The following ADGRL4 variants were observed in gnomAD, a reference collection of about 807,000 sequenced individuals.
ADGRL4 encodes the protein adhesion G protein-coupled receptor L4.
A neutral mutation model predicts 74.8 loss-of-function variants in ADGRL4; 90 were observed. The observed-to-expected ratio is 1.20, with a 90% CI of 1.02 to 1.43. The LOEUF (loss-of-function observed/expected upper bound fraction) is 1.43. ADGRL4 is among the 40% of genes most tolerant of loss of function. The probability of loss-of-function intolerance (pLI) is 0.00; values close to 1 mark genes in which losing one functional copy is unlikely to be tolerated. For synonymous variants in ADGRL4, 311 were observed against 279.2 expected (o/e 1.11, Z -1.14); for missense variants, 881 against 814.3 (o/e 1.08, Z -1.00).
At position 78,904,851 on chromosome 1, in the gene ADGRL4, C is replaced by G. The variant is rs575645591; in HGVS notation, c.1750-11662G>C. Among the ~76,000 whole-genome samples the G allele has an allele frequency of 3.3e-5, 5 of 152,052 alleles. No individual in the cohort carries two copies. In the East Asian group the frequency reaches 9.7e-4, roughly 29 times the overall value. Reference sequence around the variant, plus strand: ...AATTACATAATTAATGTAAAGTACTCCAAAGAGTACCTAATATTTAAGTTC... The same window carrying G: ...AATTACATAATTAATGTAAAGTACTGCAAAGAGTACCTAATATTTAAGTTC... On this transcript the variant is annotated intron_variant, in intron 12 of 14. Transcript: ENST00000370742.
intron 12 of ADGRL4, among the ~76,000 whole-genome samples, chr1:78,903,221 A>G (rs1293410396): frequency 6.6e-6 from 1 of 152,158 alleles, no homozygotes; most frequent in Non-Finnish European, 1.5e-5. Flanking sequence ...CTACTGCATC[A>G]TATTGTATGC....
chr1:78,975,069 ATT>A (rs1457689173), intron 2 of ADGRL4, among the ~76,000 whole-genome samples: 1 of 152,130 alleles, frequency 6.6e-6, no homozygotes, highest in African/African-American at 2.4e-5. Flanking sequence ...GGCAGGTAAA[ATT>A]TTGTCTTTTG....
Position 78,906,208 on chromosome 1 carries a change from T to A in ADGRL4, c.1749+11426A>T, listed in dbSNP as rs569230278. On this transcript the variant is annotated intron_variant, in intron 12 of 14. Coordinates refer to ENST00000370742, the MANE Select transcript of ADGRL4 (RefSeq NM_022159.4). ...GGATACTTGTCTATTAGGAAATTAATCCTCATGCTATAGCTTATAGCTAAA... is the reference window on the plus strand; with the variant it reads ...GGATACTTGTCTATTAGGAAATTAAACCTCATGCTATAGCTTATAGCTAAA... Among the ~76,000 whole-genome samples, 5 of 152,170 alleles carry A rather than the reference T, an allele frequency of 3.3e-5. No individual in the cohort carries two copies. In the East Asian group the frequency reaches 9.6e-4, roughly 29 times the overall value.
chr1:78,946,965 C>A (rs185660120), intron 2 of ADGRL4, among the ~76,000 whole-genome samples: 1 of 152,016 alleles, frequency 6.6e-6, no homozygotes, highest in Admixed American at 6.6e-5. Context: ...GAATAGTATG[C>A]AATACAAAAA....
At chr1:78,972,341 A>G (rs1650187718) in intron 2 of ADGRL4, among the ~76,000 whole-genome samples, 1 of 152,182 alleles carries the variant, frequency 6.6e-6, no homozygotes, top group Non-Finnish European at 1.5e-5. Context: ...AACATTAGAA[A>G]CTTAGAATTG....
At chr1:78,951,433 C>T (rs1316177079) in intron 2 of ADGRL4, among the ~76,000 whole-genome samples, 1 of 152,112 alleles carries the variant, frequency 6.6e-6, no homozygotes, top group Non-Finnish European at 1.5e-5. Context: ...CAGTAAACTA[C>T]ACAGGGGGTT....
rs1649400403 is a variant in ADGRL4, at chr1:78,938,248, A to C, written c.428T>G (p.Leu143Arg). The C allele has an allele frequency of 6.2e-7, 1 of 1,605,714 alleles. No homozygotes were observed. Among genetic ancestry groups the C allele is most frequent in the Admixed American group, 1.7e-5 (1 of 58,424 alleles). ...IRSIKEPVAL[L>R]QEVYRNSVTD... ...CACAGAATTTCTATAGACTTCTTGT[A>C]GCAAAGCCACAGGTTCTTTTATGGA... Residue 143 changes from leucine to arginine, a missense_variant, in exon 5 of 15, where the codon CTA becomes CGA. Leu to Arg is a moderately radical substitution (Grantham distance 102, BLOSUM62 -2). Coordinates refer to ENST00000370742, the MANE Select transcript of ADGRL4 (RefSeq NM_022159.4).
chr1:78,906,230 T>C (rs1648631874), intron 12 of ADGRL4, among the ~76,000 whole-genome samples: 1 of 152,072 alleles, frequency 6.6e-6, no homozygotes, highest in Non-Finnish European at 1.5e-5. Context: ...AGCTTATAGC[T>C]AAATAATTGC....
intron 2 of ADGRL4, among the ~76,000 whole-genome samples, chr1:78,966,435 A>C (rs914307010): frequency 6.6e-6 from 1 of 152,176 alleles, no homozygotes; most frequent in African/African-American, 2.4e-5. Flanking sequence ...GTCCTACAAC[A>C]GCTTTGGCGC....
chr1:78,948,161 T>C (rs993516642), intron 2 of ADGRL4, among the ~76,000 whole-genome samples: 3 of 152,100 alleles, frequency 2.0e-5, no homozygotes, highest in African/African-American at 7.2e-5. Flanking sequence ...TCAAGTTCTG[T>C]TGAAAATTTT....
chr1:79,001,228 A>T (rs113684514), intron 2 of ADGRL4, among the ~76,000 whole-genome samples: 1 of 32,824 alleles, frequency 3.0e-5, no homozygotes, highest in Non-Finnish European at 5.7e-5. Flanking sequence ...GGAGAGAGGG[A>T]GGGAGGGAGG....
At chr1:78,951,976 G>C (rs140448294) in intron 2 of ADGRL4, among the ~76,000 whole-genome samples, 1 of 151,896 alleles carries the variant, frequency 6.6e-6, no homozygotes. Flanking sequence ...TTGTATAATA[G>C]GACAGAAGCT....
Position 78,917,935 on chromosome 1 carries a change from T to G in ADGRL4, c.1577A>C (p.Lys526Thr), listed in dbSNP as rs1202838532. The part of the protein sequence containing the change: ...YLIVVGVIYN[K>T]GFLHKNFYIF... Reference sequence around the variant, plus strand: ...ATAAAAATTCTTGTGCAAAAATCCCTTGTTGTAGATGACACCCACAACAAT... The same window carrying G: ...ATAAAAATTCTTGTGCAAAAATCCCGTGTTGTAGATGACACCCACAACAAT... The change falls in exon 11 of 15, where the codon AAG becomes ACG. Residue 526 changes from lysine (K) to threonine (T), a missense_variant. Lys to Thr is a moderately conservative substitution (Grantham distance 78). Coordinates refer to ENST00000370742, the MANE Select transcript of ADGRL4 (RefSeq NM_022159.4). 3.0e-5 allele frequency: 49 copies of G among 1,612,618 alleles called. No homozygotes were observed. The highest frequency in any genetic ancestry group is 3.6e-5 in the Non-Finnish European group (43 of 1,179,134).
chr1:78,900,394 G>A (rs1328472492), intron 12 of ADGRL4, among the ~76,000 whole-genome samples: 2 of 152,104 alleles, frequency 1.3e-5, no homozygotes, highest in Non-Finnish European at 2.9e-5. Context: ...GAGATAATAC[G>A]TTTGTGTCGT....
chr1:78,895,499 A>G (rs1648377171), intron 12 of ADGRL4, among the ~76,000 whole-genome samples: 1 of 152,144 alleles, frequency 6.6e-6, no homozygotes, highest in Admixed American at 6.6e-5. Context: ...GAGAGACAAA[A>G]TGGACATGTA....
At chr1:78,990,623 T>C (rs950520757) in intron 2 of ADGRL4, among the ~76,000 whole-genome samples, 2 of 151,972 alleles carry the variant, frequency 1.3e-5, no homozygotes, top group Non-Finnish European at 2.9e-5. Context: ...TTTTAATATA[T>C]TTGTCTACAA....
At chr1:78,926,393 T>A (rs1649114844) in intron 8 of ADGRL4, among the ~76,000 whole-genome samples, 1 of 152,012 alleles carries the variant, frequency 6.6e-6, no homozygotes, top group African/African-American at 2.4e-5. Flanking sequence ...GAAAAATGAT[T>A]TAGAATAAAA....
intron 12 of ADGRL4, among the ~76,000 whole-genome samples, chr1:78,898,111 A>C (rs1557489933): frequency 6.6e-6 from 1 of 152,158 alleles, no homozygotes; most frequent in Non-Finnish European, 1.5e-5. Flanking sequence ...AGGATACCTC[A>C]AAAAAGGAGG....
In ADGRL4 at chr1:78,938,211, T is replaced by C. The variant is rs763386989; in HGVS notation, c.465A>G (p.Ser155=). ...EVYRNSVTDL[S]PTDIITYIEI... is the part of the protein sequence containing the mutation. ...CTATATATGTAATTATATCTGTTGGTGAAAGATCTGTCACAGAATTTCTAT... is the reference window on the plus strand; with the variant it reads ...CTATATATGTAATTATATCTGTTGGCGAAAGATCTGTCACAGAATTTCTAT... The change falls in exon 5 of 15, where the codon TCA becomes TCG. Residue 155 remains serine, a synonymous_variant. Coordinates refer to ENST00000370742, the MANE Select transcript of ADGRL4 (RefSeq NM_022159.4). The C allele has an allele frequency of 4.3e-6, 7 of 1,611,706 alleles. No homozygotes were observed. The highest frequency in any genetic ancestry group is 5.1e-6 in the Non-Finnish European group (6 of 1,179,222).
Sources: gnomAD v4.1 joint callset for allele counts (sites outside exome capture counted in the v4.1 genomes callset) on GRCh38, gnomAD v4.1.1 for gene constraint, MANE v1.5 for transcripts, NCBI Gene and HGNC (gene_info 2026-07-23, HGNC 2026-07-21) for gene names.